The following CMIP variants were observed in gnomAD, a reference collection of about 807,000 sequenced individuals.
CMIP encodes C-Maf-inducing protein.
CMIP carries 13 observed loss-of-function variants against 97.3 expected under a neutral mutation model. The ratio of observed to expected loss-of-function variants is 0.13; its 90% CI spans 0.09 to 0.21. The LOEUF (loss-of-function observed/expected upper bound fraction) is 0.21, where lower values mean the gene tolerates loss of function less well. CMIP is among the 10% of genes least tolerant of loss of function. The pLI, the probability that CMIP is intolerant of heterozygous loss-of-function variation, is 1.00. For synonymous variants in CMIP, 538 were observed against 436.3 expected, an observed-to-expected ratio of 1.23 and a Z score of -2.91; for missense variants, 847 against 1,024.9, an observed-to-expected ratio of 0.83 and a Z score of 2.37.
chr16:81,469,328 G>C (rs1907388820), intron 1 of CMIP, among the ~76,000 whole-genome samples: 1 of 152,242 alleles, frequency 6.6e-6, no homozygotes, highest in African/African-American at 2.4e-5. Context: ...CTTGCCTGCT[G>C]TGTGACCTTG....
chr16:81,698,617 C>T (rs1907035842), intron 14 of CMIP, among the ~76,000 whole-genome samples: 1 of 152,164 alleles, frequency 6.6e-6, no homozygotes, highest in African/African-American at 2.4e-5. Flanking sequence ...CAGTAAAATA[C>T]ACATCATATA....
At chr16:81,663,977 C>T (rs866662644) in intron 6 of CMIP, among the ~76,000 whole-genome samples, 2 of 152,162 alleles carry the variant, frequency 1.3e-5, no homozygotes, top group African/African-American at 2.4e-5. Context: ...CCGCCTGGAA[C>T]GCCCCCACCC....
At chr16:81,496,922 T>G (rs936712356) in intron 1 of CMIP, among the ~76,000 whole-genome samples, 2 of 152,278 alleles carry the variant, frequency 1.3e-5, no homozygotes, top group Non-Finnish European at 2.9e-5. Context: ...ACCCACAGCC[T>G]GGCAGCTGGG....
rs1250325863 is a variant in CMIP at position 81,614,831 on chromosome 16, A to G, written c.427-6045A>G. On this transcript the variant is annotated intron_variant, in intron 2 of 20. Coordinates refer to ENST00000537098, the MANE Select transcript of CMIP (RefSeq NM_198390.3). The surrounding 1 kb of genome is among the most constrained non-coding windows in gnomAD (Gnocchi z 5.3). ...GTTTATATGTGGTATGTATATGTGTATACGGTGTGTATGCACATGTATCTC... is the reference window on the plus strand; with the variant it reads ...GTTTATATGTGGTATGTATATGTGTGTACGGTGTGTATGCACATGTATCTC... Among the ~76,000 whole-genome samples the G allele has an allele frequency of 3.4e-5, 5 of 148,282 alleles. No homozygotes were observed. The highest frequency in any genetic ancestry group is 7.4e-5 in the Non-Finnish European group (5 of 67,118).
At chr16:81,557,682 G>A (rs2090792734) in intron 1 of CMIP, among the ~76,000 whole-genome samples, 1 of 152,164 alleles carries the variant, frequency 6.6e-6, no homozygotes. Flanking sequence ...GGCCAAGGTG[G>A]GAGGATCGCC....
At chr16:81,491,731 C>T (rs2089409056) in intron 1 of CMIP, among the ~76,000 whole-genome samples, 1 of 152,230 alleles carries the variant, frequency 6.6e-6, no homozygotes, top group African/African-American at 2.4e-5. Flanking sequence ...GCACCCTTCC[C>T]TGTCTGAACT....
At chr16:81,493,014 C>G (rs2089429463) in intron 1 of CMIP, among the ~76,000 whole-genome samples, 1 of 152,082 alleles carries the variant, frequency 6.6e-6, no homozygotes, top group Non-Finnish European at 1.5e-5. Flanking sequence ...GGAAGGGACT[C>G]TGGGCTGGAA....
chr16:81,589,569 C>T (rs537248895), intron 1 of CMIP, among the ~76,000 whole-genome samples: 4 of 151,992 alleles, frequency 2.6e-5, no homozygotes, highest in African/African-American at 4.8e-5. Flanking sequence ...TGGCCCATGC[C>T]GGGCACTCTG....
intron 3 of CMIP, among the ~76,000 whole-genome samples, chr16:81,629,864 G>A (rs12919861): frequency 0.41 from 61,954 of 152,192 alleles, 13,068 homozygotes; most frequent in Non-Finnish European, 0.47. Flanking sequence ...GCTTTCCTCA[G>A]TTATAGATAA....
At chr16:81,473,584 C>T (rs986515939) in intron 1 of CMIP, among the ~76,000 whole-genome samples, 13 of 143,038 alleles carry the variant, frequency 9.1e-5, no homozygotes, top group African/African-American at 2.4e-4. Flanking sequence ...GGGAGTTGGG[C>T]GGGGGTTGAC....
chr16:81,484,268 G>A (rs144097057), intron 1 of CMIP, among the ~76,000 whole-genome samples: 15 of 152,338 alleles, frequency 9.8e-5, no homozygotes, highest in Non-Finnish European at 1.8e-4. Flanking sequence ...CAGCAGCTGG[G>A]TGGAGTTCCA....
chr16:81,696,333 G>C (rs1906714370), intron 13 of CMIP: 3 of 591,820 alleles, frequency 5.1e-6, no homozygotes, highest in African/African-American at 1.9e-5. Flanking sequence ...CTGTGCAGCT[G>C]ACAGCCAGTA....
At chr16:81,468,714 G>A (rs566418522) in intron 1 of CMIP, among the ~76,000 whole-genome samples, 10 of 152,250 alleles carry the variant, frequency 6.6e-5, no homozygotes, top group Admixed American at 3.9e-4. Context: ...GTGGGCACTC[G>A]TGGGAAGCAG....
At chr16:81,610,357 C>T (rs1337327779) in intron 2 of CMIP, 1 of 985,432 alleles carries the variant, frequency 1.0e-6, no homozygotes, top group Non-Finnish European at 1.2e-6. Flanking sequence ...CTCCAGCATC[C>T]CACTTGCTCA....
intron 1 of CMIP, among the ~76,000 whole-genome samples, chr16:81,474,042 C>T (rs1391808948): frequency 6.6e-6 from 1 of 152,118 alleles, no homozygotes; most frequent in Non-Finnish European, 1.5e-5. Flanking sequence ...CCCCATTCTA[C>T]AGCTAAAGAA....
rs1156352492 is a variant in CMIP, at chr16:81,445,191, G to A, written c.-51G>A. ...ATCCGGGGGCCCCGCCGCCCCAGCA[G>A]CCCAGGACAGCCCCCTCTCCCCGCC... On this transcript the variant is annotated 5_prime_UTR_variant, in exon 1 of 21. Transcript: ENST00000537098. The A allele has an allele frequency of 1.5e-6, 2 of 1,314,548 alleles. No homozygotes were observed. The highest frequency in any genetic ancestry group is 2.6e-5 in the East Asian group (1 of 38,300). 81.4% of individuals were successfully genotyped at this position (1,314,548 alleles called of 1,614,324 possible).
chr16:81,637,072 CT>C (rs1182675883), intron 3 of CMIP, among the ~76,000 whole-genome samples: 1 of 151,816 alleles, frequency 6.6e-6, no homozygotes, highest in Non-Finnish European at 1.5e-5. Flanking sequence ...TTCTGGTCAC[CT>C]TTTTTATTTT....
At position 81,530,135 on chromosome 16, in the gene CMIP, A is replaced by G. The variant is rs563060755; in HGVS notation, c.301-77432A>G. Among the ~76,000 whole-genome samples the G allele has an allele frequency of 2.6e-4, 40 of 152,326 alleles. No individual in the cohort carries two copies. The South Asian group carries it at 8.1e-3, about 31-fold the overall frequency. On this transcript the variant is annotated intron_variant, in intron 1 of 20. Coordinates refer to ENST00000537098, the MANE Select transcript of CMIP (RefSeq NM_198390.3). The stretch of plus-strand genomic sequence containing the variant: ...TTATCTCTATAGATCATTCGTTGTT[A>G]AAATTAAGCCCAGGGGGAAAATCAG...
At position 81,696,655 on chromosome 16, in the gene CMIP, G is replaced by T. The variant is rs754599222; in HGVS notation, c.1626G>T (p.Leu542=). ...TGGCCTGCGACGATGACGGGGAGCT[G>T]TTCGCCAGCATGGTACGCAGTGGGA... ...GGVACDDDGE[L]FASMVHILMG... is the part of the protein sequence containing the mutation. The change falls in exon 14 of 21, where the codon CTG becomes CTT. Residue 542 remains leucine, a synonymous_variant. Coordinates refer to ENST00000537098, the MANE Select transcript of CMIP (RefSeq NM_198390.3). 1 of 1,606,252 alleles carries T rather than the reference G, an allele frequency of 6.2e-7. No individual in the cohort carries two copies. Among genetic ancestry groups the T allele is most frequent in the South Asian group, 1.1e-5 (1 of 91,052 alleles).
Sources: gnomAD v4.1 joint callset for allele counts (sites outside exome capture counted in the v4.1 genomes callset) on GRCh38, gnomAD v4.1.1 for gene constraint, Gnocchi (gnomAD v3.1) non-coding constraint, MANE v1.5 for transcripts, NCBI Gene and HGNC (gene_info 2026-07-23, HGNC 2026-07-21) for gene names.